The following DIAPH2 variants were observed in gnomAD, a reference collection of about 807,000 sequenced individuals.
DIAPH2 encodes protein diaphanous homolog 2.
A neutral mutation model predicts 92.7 loss-of-function variants in DIAPH2; 35 were observed. The observed-to-expected ratio is 0.38, with a 90% confidence interval of 0.29 to 0.50. DIAPH2 has a LOEUF of 0.50. Ranked by LOEUF, DIAPH2 falls within the 20% of genes least tolerant of loss-of-function variation. DIAPH2 has a pLI of 0.94. For synonymous variants in DIAPH2, 301 were observed against 280.4 expected (o/e 1.07, Z -0.73); for missense variants, 701 against 819.5 (o/e 0.86, Z 1.77).
Position 97,359,855 on chromosome X carries a change from C to T in DIAPH2, c.3009+11575C>T, listed in dbSNP as rs773404606. ...CCTCCCAAAGTGCTGGGAATACAGGCGTGAGCCACTGCGCCCGGCCATGTT... is the reference window on the plus strand; with the variant it reads ...CCTCCCAAAGTGCTGGGAATACAGGTGTGAGCCACTGCGCCCGGCCATGTT... On this transcript the variant is annotated intron_variant, in intron 24 of 26. Coordinates refer to ENST00000324765, the MANE Select transcript of DIAPH2 (RefSeq NM_006729.5). 1.6e-4 allele frequency among the ~76,000 whole-genome samples: 18 copies of T among 111,142 alleles called. No individual in the cohort carries two copies. The East Asian group carries it at 4.0e-3, about 24-fold the overall frequency.
chrX:97,348,097 T>G lies in DIAPH2; in HGVS notation c.2845-19T>G. Reference sequence around the variant, plus strand: ...CTTTAAAAGGTACTGTTGAGCCATGTTCCTTAACAAAAAGCTACAGCTTTA... The same window carrying G: ...CTTTAAAAGGTACTGTTGAGCCATGGTCCTTAACAAAAAGCTACAGCTTTA... On this transcript the variant is annotated intron_variant, in intron 23 of 26. Transcript: ENST00000324765. The G allele has an allele frequency of 8.3e-7, 1 of 1,208,706 alleles. No homozygotes were observed. Among genetic ancestry groups the G allele is most frequent in the Admixed American group, 2.2e-5 (1 of 45,847 alleles).
chrX:97,477,582 G>T lies in DIAPH2; in HGVS notation c.3241+47837G>T, dbSNP rs1186929139. ...ATTGTGCCATTGCACTCCAACCTGG[G>T]TGACAGAGCAAGACTCCGTCTAAAA... On this transcript the variant is annotated intron_variant, in intron 26 of 26. Transcript: ENST00000324765. Among the ~76,000 whole-genome samples the T allele has an allele frequency of 4.5e-5, 5 of 111,086 alleles. No individual in the cohort carries two copies. The East Asian group carries it at 1.1e-3, about 25-fold the overall frequency.
chrX:96,769,122 G>C (rs968155186), intron 4 of DIAPH2, among the ~76,000 whole-genome samples: 4 of 111,312 alleles, frequency 3.6e-5, no homozygotes, highest in African/African-American at 1.3e-4. Context: ...ATATAGATGA[G>C]AGACAGAGAC....
At chrX:97,374,835 C>T (rs767585426) in intron 24 of DIAPH2, among the ~76,000 whole-genome samples, 27 of 111,847 alleles carry the variant, frequency 2.4e-4, no homozygotes, top group Non-Finnish European at 4.7e-4. Context: ...TCTAAAGACT[C>T]ATTTCCACCA....
chrX:96,861,195 A>C (rs1228766349), intron 4 of DIAPH2, among the ~76,000 whole-genome samples: 1 of 111,421 alleles, frequency 9.0e-6, no homozygotes, highest in African/African-American at 3.3e-5. Context: ...AACAATTTGA[A>C]TAGTCCTTTT....
intron 16 of DIAPH2, among the ~76,000 whole-genome samples, chrX:96,962,639 A>G (rs759088570): frequency 9.6e-6 from 1 of 104,662 alleles, no homozygotes; most frequent in Non-Finnish European, 1.9e-5. Flanking sequence ...TTTTCAGCCT[A>G]TGTGTGTCTT....
intron 17 of DIAPH2, among the ~76,000 whole-genome samples, chrX:96,966,306 T>G (rs1057318918): frequency 8.9e-6 from 1 of 111,957 alleles, no homozygotes; most frequent in Non-Finnish European, 1.9e-5. Context: ...TTTTCAATGA[T>G]TCAAGTGATT....
chrX:97,396,597 G>A (rs1462604728), intron 25 of DIAPH2, among the ~76,000 whole-genome samples: 1 of 110,891 alleles, frequency 9.0e-6, no homozygotes, highest in East Asian at 2.8e-4. Context: ...GCTTGAACCC[G>A]GGTACTCCAG....
At chrX:97,500,791 T>TATAC (rs1556157622) in intron 26 of DIAPH2, among the ~76,000 whole-genome samples, 25 of 95,521 alleles carry the variant, frequency 2.6e-4, no homozygotes, top group African/African-American at 9.4e-4. Flanking sequence ...TATATATATA[T>TATAC]ATATATATAT....
At chrX:97,399,505 A>G (rs1200283464) in intron 25 of DIAPH2, among the ~76,000 whole-genome samples, 1 of 111,425 alleles carries the variant, frequency 9.0e-6, no homozygotes, top group African/African-American at 3.3e-5. Context: ...AACCATTTGG[A>G]TTTTTCGAGT....
intron 22 of DIAPH2, among the ~76,000 whole-genome samples, chrX:97,170,556 A>G (rs1471038415): frequency 9.0e-6 from 1 of 111,727 alleles, no homozygotes; most frequent in Non-Finnish European, 1.9e-5. Context: ...GCAAAGAACA[A>G]GATTGGAGGA....
At chrX:96,930,931 G>A in intron 10 of DIAPH2, 88 bp downstream of exon 10, 1 of 986,803 alleles carries the variant, frequency 1.0e-6, no homozygotes, top group Non-Finnish European at 1.3e-6. Flanking sequence ...GTAAATAAAT[G>A]TGCTTTGCTA....
chrX:97,336,707 C>T (rs189880187), intron 23 of DIAPH2, among the ~76,000 whole-genome samples: 31 of 111,881 alleles, frequency 2.8e-4, no homozygotes, highest in African/African-American at 9.1e-4. Flanking sequence ...ACATAGTAGG[C>T]ATTTAATCAA....
chrX:97,212,590 G>GTTTTTTTTT (rs57173350), intron 22 of DIAPH2, among the ~76,000 whole-genome samples: 4 of 67,814 alleles, frequency 5.9e-5, no homozygotes, highest in African/African-American at 1.1e-4. Flanking sequence ...AGGGTTTTTT[G>GTTTTTTTTT]TTTTTTTTTT....
At position 97,491,906 on chromosome X, in the gene DIAPH2, A is replaced by G. The variant is rs367824794; in HGVS notation, c.3241+62161A>G. Among the ~76,000 whole-genome samples, 8 of 111,263 alleles carry G rather than the reference A, an allele frequency of 7.2e-5. No individual in the cohort carries two copies. In the East Asian group the frequency reaches 8.4e-4, roughly 12 times the overall value. ...GTTAATTTCTTTATGATTACCATGA[A>G]GCTTGCATAGATTGTCTTACAGTTA... On this transcript the variant is annotated intron_variant, in intron 26 of 26. Coordinates refer to ENST00000324765, the MANE Select transcript of DIAPH2 (RefSeq NM_006729.5).
intron 5 of DIAPH2, among the ~76,000 whole-genome samples, chrX:96,893,659 G>T (rs772667420): frequency 5.4e-5 from 6 of 112,003 alleles, no homozygotes; most frequent in Non-Finnish European, 1.1e-4. Flanking sequence ...AATAGTACTG[G>T]AATGCAGCTT....
intron 26 of DIAPH2, among the ~76,000 whole-genome samples, chrX:97,597,825 C>G (rs1429047886): frequency 9.0e-6 from 1 of 111,420 alleles, no homozygotes; most frequent in Non-Finnish European, 1.9e-5. Context: ...ATGGTATCTT[C>G]AAAAGGACAC....
intron 1 of DIAPH2, among the ~76,000 whole-genome samples, chrX:96,721,351 A>G (rs2063987135): frequency 8.9e-6 from 1 of 112,129 alleles, no homozygotes; most frequent in Non-Finnish European, 1.9e-5. Flanking sequence ...TTGTCCTTCT[A>G]TAGTTTTAAA....
intron 26 of DIAPH2, among the ~76,000 whole-genome samples, chrX:97,502,935 T>C (rs1275356678): frequency 8.9e-6 from 1 of 112,037 alleles, no homozygotes; most frequent in African/African-American, 3.2e-5. Context: ...TATGAGTCAG[T>C]CCAGCCTCTT....
Sources: gnomAD v4.1 joint callset for allele counts (sites outside exome capture counted in the v4.1 genomes callset) on GRCh38, gnomAD v4.1.1 for gene constraint, MANE v1.5 for transcripts, NCBI Gene and HGNC (gene_info 2026-07-23, HGNC 2026-07-21) for gene names.